The following SMCHD1 variants were observed in gnomAD, a reference collection of about 807,000 sequenced individuals.
SMCHD1 encodes structural maintenance of chromosomes flexible hinge domain containing 1.
In SMCHD1, 78 loss-of-function variants were observed where a neutral mutation model predicts 254.7. The ratio of observed to expected loss-of-function variants is 0.31; its 90% CI spans 0.26 to 0.37. SMCHD1 has a LOEUF of 0.37. Ranked by LOEUF, SMCHD1 falls within the 10% of genes least tolerant of loss-of-function variation. The probability of loss-of-function intolerance (pLI) is 1.00; values close to 1 mark genes in which losing one functional copy is unlikely to be tolerated. For missense variants in SMCHD1, 1,840 were observed against 2,408.1 expected, an observed-to-expected ratio of 0.76 and a Z score of 4.94; for synonymous variants, 766 against 794.9, an observed-to-expected ratio of 0.96 and a Z score of 0.61.
chr18:2,707,951 T>C (rs1201831373), intron 17 of SMCHD1, 31 bp downstream of exon 17: 2 of 1,273,372 alleles, frequency 1.6e-6, no homozygotes, highest in Non-Finnish European at 2.2e-6. Context: ...AGATCTTTAA[T>C]ATTGTTTTTA....
intron 34 of SMCHD1, among the ~76,000 whole-genome samples, chr18:2,755,993 A>G (rs572917493): frequency 1.6e-4 from 24 of 152,330 alleles, no homozygotes; most frequent in Middle Eastern, 3.4e-3. Context: ...GCATTCCACC[A>G]CTAAGTGTGA....
At chr18:2,761,281 G>A (rs149354356) in intron 35 of SMCHD1, among the ~76,000 whole-genome samples, 1,721 of 152,174 alleles carry the variant, frequency 0.011, 21 homozygotes, top group Non-Finnish European at 0.018. Flanking sequence ...AGAGGGAGGT[G>A]GGCAAGAGTT....
chr18:2,752,424 T>C, intron 33 of SMCHD1, 64 bp from the exon 34 acceptor site: 2 of 1,044,454 alleles, frequency 1.9e-6, no homozygotes, highest in South Asian at 1.3e-5. Flanking sequence ...GCTTTCCTCC[T>C]AAGTATACTA....
chr18:2,792,201 TTGTA>T (rs2076179766), intron 45 of SMCHD1, among the ~76,000 whole-genome samples: 1 of 152,232 alleles, frequency 6.6e-6, no homozygotes, highest in African/African-American at 2.4e-5. Context: ...CAAAAACAGA[TTGTA>T]TGTAAGACAG....
chr18:2,716,717 T>C (rs1174480027), intron 17 of SMCHD1, among the ~76,000 whole-genome samples: 1 of 152,164 alleles, frequency 6.6e-6, no homozygotes, highest in Non-Finnish European at 1.5e-5. Context: ...GTGGGGTCGC[T>C]AGGGCTCCAC....
At chr18:2,762,854 A>C (rs990753780) in intron 36 of SMCHD1, among the ~76,000 whole-genome samples, 1 of 152,200 alleles carries the variant, frequency 6.6e-6, no homozygotes, top group African/African-American at 2.4e-5. Flanking sequence ...AGTGTGAACT[A>C]TATTGACTCT....
At chr18:2,658,972 C>G (rs2143753440) in intron 1 of SMCHD1, among the ~76,000 whole-genome samples, 1 of 152,000 alleles carries the variant, frequency 6.6e-6, no homozygotes, top group East Asian at 1.9e-4. Flanking sequence ...ATTTTTTACA[C>G]TACTCCACAC....
At chr18:2,722,109 T>TA (rs1568233959) in intron 19 of SMCHD1, among the ~76,000 whole-genome samples, 1 of 152,238 alleles carries the variant, frequency 6.6e-6, no homozygotes, top group Non-Finnish European at 1.5e-5. Flanking sequence ...CTTCATCATA[T>TA]ATATCATTTT....
At chr18:2,731,663 T>C (rs1340244066) in intron 24 of SMCHD1, among the ~76,000 whole-genome samples, 1 of 152,156 alleles carries the variant, frequency 6.6e-6, no homozygotes, top group Admixed American at 6.5e-5. Context: ...ACTAACAGAG[T>C]ATGTAACATA....
At chr18:2,771,701 T>G in intron 40 of SMCHD1, 83 bp downstream of exon 40, 1 of 1,092,118 alleles carries the variant, frequency 9.2e-7, no homozygotes. Flanking sequence ...TTATTAGGAA[T>G]TCTGAGTATT....
chr18:2,736,382 T>G (rs2143515135), intron 25 of SMCHD1, among the ~76,000 whole-genome samples: 1 of 152,194 alleles, frequency 6.6e-6, no homozygotes, highest in African/African-American at 2.4e-5. Flanking sequence ...CCAAAAGCAG[T>G]TACAACACAA....
rs536575091 is a variant in SMCHD1, at chr18:2,706,603, ACTT to A, written c.2063+137_2063+139del. The A allele has an allele frequency of 8.8e-4, 446 of 506,930 alleles. 3 individuals carry two copies. The highest frequency in any genetic ancestry group is 7.7e-3 in the African/African-American group (389 of 50,798). 31.4% of individuals were successfully genotyped at this position (506,930 alleles called of 1,614,324 possible). ...TTAGATATTGTACCTATTGAGATGAACTTCTTGTTGAAAAAAATTAAGAGGTCT... is the reference window on the plus strand; with the variant it reads ...TTAGATATTGTACCTATTGAGATGAACTTGTTGAAAAAAATTAAGAGGTCT... On this transcript the variant is annotated intron_variant, in intron 15 of 47. Coordinates refer to ENST00000320876, the MANE Select transcript of SMCHD1 (RefSeq NM_015295.3).
chr18:2,748,697 A>C (rs1441476998), intron 30 of SMCHD1, among the ~76,000 whole-genome samples: 1 of 152,006 alleles, frequency 6.6e-6, no homozygotes, highest in African/African-American at 2.4e-5. Flanking sequence ...GCCTGGCCAT[A>C]AAGTTGTATT....
chr18:2,682,017 G>A (rs1178285756), intron 5 of SMCHD1, among the ~76,000 whole-genome samples: 2 of 152,130 alleles, frequency 1.3e-5, no homozygotes, highest in Admixed American at 6.5e-5. Flanking sequence ...TCTAATATTT[G>A]TGTTTACTTG....
In SMCHD1 at chr18:2,802,961, G is replaced by T. The variant is rs2076390445; in HGVS notation, c.*409G>T. 6.4e-6 allele frequency: 1 copy of T among 155,512 alleles called. No homozygotes were observed. The highest frequency in any genetic ancestry group is 1.4e-5 in the Non-Finnish European group (1 of 70,432). The allele number at this position is 155,512 out of a possible 1,614,324, so 9.6% of individuals were successfully genotyped here. A position where few individuals can be genotyped will look rare whatever the true frequency, so the allele number is the denominator to read the frequency against. On this transcript the variant is annotated 3_prime_UTR_variant, in exon 48 of 48. Transcript: ENST00000320876. The stretch of plus-strand genomic sequence containing the variant: ...GAAAACCTTTTTATTACTTTTGCGT[G>T]AATTTATTTAACAAAGATGTTTTGT...
chr18:2,667,066 A>G (rs2073460644), intron 3 of SMCHD1, 35 bp downstream of exon 3: 11 of 1,458,170 alleles, frequency 7.5e-6, no homozygotes, highest in African/African-American at 2.8e-5. Context: ...TTGATAAATT[A>G]TTACCTGCCT....
intron 34 of SMCHD1, among the ~76,000 whole-genome samples, chr18:2,757,726 T>C (rs1270481846): frequency 6.6e-6 from 1 of 152,020 alleles, no homozygotes; most frequent in Non-Finnish European, 1.5e-5. Flanking sequence ...TGAGGTACAG[T>C]GTTCTATATC....
Position 2,743,816 on chromosome 18 carries a change from G to A in SMCHD1, c.3689G>A (p.Gly1230Glu), listed in dbSNP as rs748437378. 5.0e-6 allele frequency: 8 copies of A among 1,613,074 alleles called. No homozygotes were observed. The highest frequency in any genetic ancestry group is 1.1e-5 in the South Asian group (1 of 90,994). The change falls in exon 29 of 48, where the codon GGA becomes GAA. Residue 1230 changes from glycine to glutamate, a missense_variant. Around this residue, in one of 9 missense-constraint regions of SMCHD1, gnomAD observed 881 missense variants for 1,009.5 expected, o/e 0.87. Transcript: ENST00000320876. ...RGIKFIPGPP[G>E]NKDLCFTWRE... ...ATCAAATTTATTCCAGGTCCTCCTGGAAATAAGGATCTTTGTTTTACTTGG... is the reference window on the plus strand; with the variant it reads ...ATCAAATTTATTCCAGGTCCTCCTGAAAATAAGGATCTTTGTTTTACTTGG...
chr18:2,661,801 G>T (rs970344131), intron 1 of SMCHD1, among the ~76,000 whole-genome samples: 20 of 152,180 alleles, frequency 1.3e-4, no homozygotes, highest in Non-Finnish European at 2.4e-4. Flanking sequence ...TATGTAGTTA[G>T]TGAAGGCTAA....
Sources: gnomAD v4.1 joint callset for allele counts (sites outside exome capture counted in the v4.1 genomes callset) on GRCh38, gnomAD v4.1.1 for gene constraint, gnomAD v4.1.1 regional missense constraint, MANE v1.5 for transcripts, NCBI Gene and HGNC (gene_info 2026-07-23, HGNC 2026-07-21) for gene names.